Variants in TXNRD1 observed in about 807,000 individuals in gnomAD.
TXNRD1 encodes the protein thioredoxin reductase 1, cytoplasmic.
TXNRD1 carries 57 observed loss-of-function variants against 80.3 expected under a neutral mutation model. That is an observed-to-expected ratio of 0.71 (90% CI 0.57 to 0.89). The LOEUF is 0.89. TXNRD1 is among the 40% of genes least tolerant of loss of function. The probability of loss-of-function intolerance (pLI) is 0.00; values close to 1 mark genes in which losing one functional copy is unlikely to be tolerated. For missense variants in TXNRD1, 730 were observed against 803.0 expected (o/e 0.91, Z 1.10); for synonymous variants, 291 against 285.2 (o/e 1.02, Z -0.20).
chr12:104,269,875 G>C (rs1353306204), intron 3 of TXNRD1, among the ~76,000 whole-genome samples: 1 of 151,716 alleles, frequency 6.6e-6, no homozygotes, highest in East Asian at 1.9e-4. Context: ...AGCCCACCCA[G>C]CTAATTTTTA....
chr12:104,327,177 A>C (rs1171626478), intron 12 of TXNRD1, among the ~76,000 whole-genome samples: 1 of 152,210 alleles, frequency 6.6e-6, no homozygotes, highest in Non-Finnish European at 1.5e-5. Context: ...CTTTTCTTCC[A>C]GTGCCATTCA....
chr12:104,327,681 G>A lies in TXNRD1; in HGVS notation c.1542+10G>A, dbSNP rs773669247. The A allele has an allele frequency of 1.4e-5, 23 of 1,612,820 alleles. No individual in the cohort carries two copies. Among genetic ancestry groups the A allele is most frequent in the Middle Eastern group, 1.6e-4 (1 of 6,082 alleles). ...AGGTTCCACTGTCAAGGTGAGTGTT[G>A]TGCTTGTTGCCCATTAGATACTGTT... On this transcript the variant is annotated intron_variant, in intron 13 of 16. Coordinates refer to ENST00000525566, the MANE Select transcript of TXNRD1 (RefSeq NM_001093771.3).
intron 1 of TXNRD1, among the ~76,000 whole-genome samples, chr12:104,220,278 C>A (rs1219109739): frequency 6.6e-6 from 1 of 152,060 alleles, no homozygotes; most frequent in Non-Finnish European, 1.5e-5. Flanking sequence ...TTACACGATG[C>A]GCTAGATAAT....
chr12:104,309,994 A>G, intron 4 of TXNRD1: 1 of 1,535,426 alleles, frequency 6.5e-7, no homozygotes, highest in East Asian at 2.4e-5. Flanking sequence ...GCTCCACCGC[A>G]CCCCCTTCCA....
chr12:104,293,710 G>A (rs966292179), intron 4 of TXNRD1, among the ~76,000 whole-genome samples: 4 of 152,106 alleles, frequency 2.6e-5, no homozygotes, highest in African/African-American at 7.2e-5. Flanking sequence ...TGTGTGCGGC[G>A]ACGAGAGAGT....
chr12:104,287,510 A>G, intron 3 of TXNRD1: 1 of 1,599,586 alleles, frequency 6.3e-7, no homozygotes, highest in East Asian at 2.2e-5. Flanking sequence ...GATCCTTGAG[A>G]ATATTAAGAA....
intron 3 of TXNRD1, among the ~76,000 whole-genome samples, chr12:104,267,369 C>A (rs1485411308): frequency 6.6e-6 from 1 of 150,768 alleles, no homozygotes; most frequent in East Asian, 2.0e-4. Context: ...CCTTGAACTC[C>A]TGGCTTCATG....
At chr12:104,283,551 C>A (rs1167198941) in intron 3 of TXNRD1, among the ~76,000 whole-genome samples, 1 of 151,892 alleles carries the variant, frequency 6.6e-6, no homozygotes, top group African/African-American at 2.4e-5. Flanking sequence ...CACCCGGCCT[C>A]ACACTCTGGC....
At chr12:104,315,689 A>T in intron 6 of TXNRD1, 88 bp from the exon 7 acceptor site, 1 of 1,398,556 alleles carries the variant, frequency 7.2e-7, no homozygotes, top group Non-Finnish European at 9.7e-7. Flanking sequence ...AATATTTCTT[A>T]GAGTTGTAAT....
chr12:104,276,595 T>C (rs1198132046), intron 3 of TXNRD1: 1 of 152,234 alleles, frequency 6.6e-6, no homozygotes, highest in African/African-American at 2.4e-5. Context: ...CTTTTCCACT[T>C]CACTAACAGT....
intron 3 of TXNRD1, among the ~76,000 whole-genome samples, chr12:104,270,870 C>T (rs12302216): frequency 0.13 from 19,388 of 151,998 alleles, 1,512 homozygotes; most frequent in African/African-American, 0.22. Flanking sequence ...ATTAACTAGC[C>T]GGGTGTGGTG....
In TXNRD1 at chr12:104,326,381, GA is replaced by G; in HGVS notation, c.1348del (p.Ile450LeufsTer3). 6.3e-7 allele frequency: 1 copy of G among 1,582,220 alleles called. No homozygotes were observed. The highest frequency in any genetic ancestry group is 1.2e-5 in the South Asian group (1 of 85,718). ...GCAATAGGAAGAGATGCTTGCACAAGAAAAATTGGCTTAGAAACCGTAGGGG... is the reference window on the plus strand; with the variant it reads ...GCAATAGGAAGAGATGCTTGCACAAGAAAATTGGCTTAGAAACCGTAGGGG... Reference protein sequence around the residue: ...MLAIGRDACTRKIGLETVGVK... With the variant: ...MLAIGRDACTXKIGLETVGVK... On this transcript the variant is annotated frameshift_variant, in exon 12 of 17. Coordinates refer to ENST00000525566, the MANE Select transcript of TXNRD1 (RefSeq NM_001093771.3). LOFTEE classifies it high-confidence loss of function.
intron 2 of TXNRD1, among the ~76,000 whole-genome samples, chr12:104,256,709 G>A (rs1399503800): frequency 6.7e-6 from 1 of 149,972 alleles, no homozygotes; most frequent in East Asian, 2.0e-4. Flanking sequence ...AACCCGGGGA[G>A]GCAGAGATTG....
At chr12:104,299,510 T>G (rs1215744148) in intron 4 of TXNRD1, among the ~76,000 whole-genome samples, 1 of 152,078 alleles carries the variant, frequency 6.6e-6, no homozygotes, top group African/African-American at 2.4e-5. Flanking sequence ...GGCTCACGCA[T>G]GTAATCCCAG....
At chr12:104,258,231 C>T (rs1396577611) in intron 3 of TXNRD1, 152 bp downstream of exon 3, 1 of 610,218 alleles carries the variant, frequency 1.6e-6, no homozygotes, top group Non-Finnish European at 2.8e-6. Context: ...AGACAGGGTA[C>T]TCTCCTGGAG....
In TXNRD1 at chr12:104,253,567, G is replaced by T. The variant is rs530809944; in HGVS notation, c.243+1889G>T. On this transcript the variant is annotated intron_variant, in intron 2 of 16. Transcript: ENST00000525566. ...GCTATGTAATTCTTGGCCTCTAGGG[G>T]CTTAATTATGTAGCTCTGCAATTCT... Among the ~76,000 whole-genome samples, 17 of 152,228 alleles carry T rather than the reference G, an allele frequency of 1.1e-4. No individual in the cohort carries two copies. The South Asian group carries it at 3.5e-3, about 32-fold the overall frequency.
intron 4 of TXNRD1, among the ~76,000 whole-genome samples, chr12:104,293,092 A>G (rs576514966): frequency 6.6e-6 from 1 of 152,320 alleles, no homozygotes; most frequent in South Asian, 2.1e-4. Flanking sequence ...TTTTAAAGCA[A>G]AGTTCCAGTA....
chr12:104,302,267 A>C (rs1248425675), intron 4 of TXNRD1, among the ~76,000 whole-genome samples: 1 of 152,214 alleles, frequency 6.6e-6, no homozygotes, highest in Non-Finnish European at 1.5e-5. Context: ...ACATTTACAA[A>C]AAACTTTCTG....
intron 1 of TXNRD1, among the ~76,000 whole-genome samples, chr12:104,222,269 A>T (rs2032373269): frequency 6.6e-6 from 1 of 152,222 alleles, no homozygotes; most frequent in South Asian, 2.1e-4. Flanking sequence ...GGGACAGAAA[A>T]CAGTTTTTCT....
Sources: allele counts gnomAD v4.1 joint callset (sites outside exome capture counted in the v4.1 genomes callset), GRCh38; gene constraint gnomAD v4.1.1; transcripts MANE v1.5; gene names NCBI Gene and HGNC (gene_info 2026-07-23, HGNC 2026-07-21).